The following DMRT1 variants were observed in gnomAD, a reference collection of about 807,000 sequenced individuals.
DMRT1 encodes doublesex- and mab-3-related transcription factor 1.
A neutral mutation model predicts 32.3 loss-of-function variants in DMRT1; 7 were observed. The observed-to-expected ratio is 0.22, with a 90% CI of 0.12 to 0.41. The LOEUF (loss-of-function observed/expected upper bound fraction) is 0.41, where lower values mean the gene tolerates loss of function less well. DMRT1 is among the 10% of genes least tolerant of loss of function. The pLI is 1.00. For missense variants in DMRT1, 625 were observed against 500.5 expected (o/e 1.25, Z -2.37); for synonymous variants, 278 against 206.1 (o/e 1.35, Z -2.99).
At chr9:909,811 T>C (rs1364489159) in intron 3 of DMRT1, among the ~76,000 whole-genome samples, 1 of 152,116 alleles carries the variant, frequency 6.6e-6, no homozygotes, top group Non-Finnish European at 1.5e-5. Flanking sequence ...CTGCTGGGCT[T>C]AAGCGATCCT....
At chr9:922,797 T>TA (rs1169390050) in intron 4 of DMRT1, among the ~76,000 whole-genome samples, 1 of 152,172 alleles carries the variant, frequency 6.6e-6, no homozygotes, top group East Asian at 1.9e-4. Context: ...AGGTGGTGCT[T>TA]ACAGATCATG....
intron 2 of DMRT1, 62 bp from the exon 3 acceptor site, chr9:893,850 A>G (rs1353405208): frequency 6.6e-7 from 1 of 1,522,824 alleles, no homozygotes; most frequent in Non-Finnish European, 9.0e-7. Flanking sequence ...AAGGTTTAGA[A>G]GTAAAGTTTC....
At position 846,604 on chromosome 9, in the gene DMRT1, AG is replaced by A. The variant is rs1564192711; in HGVS notation, c.355-353del. Among the ~76,000 whole-genome samples the A allele has an allele frequency of 5.3e-5, 8 of 152,242 alleles. No individual in the cohort carries two copies. In the South Asian group the frequency reaches 1.7e-3, roughly 32 times the overall value. ...CTTTTTTATTTGTTTGTTAAGAGAC[AG>A]GGTCTTGCTCTGTCTCCCAGGCTGG... On this transcript the variant is annotated intron_variant, in intron 1 of 4. Coordinates refer to ENST00000382276, the MANE Select transcript of DMRT1 (RefSeq NM_021951.3).
intron 3 of DMRT1, among the ~76,000 whole-genome samples, chr9:914,837 C>G (rs573189979): frequency 2.0e-5 from 3 of 152,214 alleles, no homozygotes; most frequent in Admixed American, 2.0e-4. Context: ...TTGAGCTGCT[C>G]AAAGCATCAG....
intron 4 of DMRT1, among the ~76,000 whole-genome samples, chr9:935,573 A>G (rs138588135): frequency 7.2e-4 from 109 of 152,312 alleles, no homozygotes; most frequent in African/African-American, 2.5e-3. Context: ...TCCGCATACC[A>G]GTCTCGCAGT....
chr9:953,470 A>G (rs1819496284), intron 4 of DMRT1, among the ~76,000 whole-genome samples: 1 of 152,162 alleles, frequency 6.6e-6, no homozygotes, highest in Non-Finnish European at 1.5e-5. Flanking sequence ...AATGACGAAA[A>G]TCTTCTCTTG....
At chr9:951,081 G>C (rs7022800) in intron 4 of DMRT1, among the ~76,000 whole-genome samples, 1 of 151,952 alleles carries the variant, frequency 6.6e-6, no homozygotes, top group South Asian at 2.1e-4. Flanking sequence ...AGTAATATTT[G>C]CTAATGGAAA....
At chr9:966,046 G>C (rs2130018121) in intron 4 of DMRT1, among the ~76,000 whole-genome samples, 1 of 152,296 alleles carries the variant, frequency 6.6e-6, no homozygotes, top group South Asian at 2.1e-4. Flanking sequence ...CGGACTCCAG[G>C]AAGCTCTTAG....
chr9:936,646 G>A (rs992844326), intron 4 of DMRT1, among the ~76,000 whole-genome samples: 10 of 151,834 alleles, frequency 6.6e-5, no homozygotes, highest in African/African-American at 2.4e-5. Flanking sequence ...CCAGCTACTC[G>A]GGAGGCTGAG....
At chr9:856,573 A>G (rs1815410915) in intron 2 of DMRT1, among the ~76,000 whole-genome samples, 2 of 152,112 alleles carry the variant, frequency 1.3e-5, no homozygotes, top group Admixed American at 1.3e-4. Context: ...TTTAATTATT[A>G]TTGTTCCTTT....
intron 4 of DMRT1, among the ~76,000 whole-genome samples, chr9:940,477 A>G (rs79483200): frequency 6.7e-6 from 1 of 150,318 alleles, no homozygotes; most frequent in East Asian, 1.9e-4. Flanking sequence ...CAAATGAGCT[A>G]GGAAAACTGG....
At chr9:943,324 T>C (rs763932641) in intron 4 of DMRT1, among the ~76,000 whole-genome samples, 18 of 152,218 alleles carry the variant, frequency 1.2e-4, no homozygotes, top group Non-Finnish European at 2.2e-4. Context: ...GTTGCACCTG[T>C]GTACTTGAAA....
chr9:907,751 A>T (rs1472831286), intron 3 of DMRT1, among the ~76,000 whole-genome samples: 1 of 152,104 alleles, frequency 6.6e-6, no homozygotes, highest in Non-Finnish European at 1.5e-5. Flanking sequence ...ATGAATTCTT[A>T]TATACAGTTC....
chr9:858,433 T>C (rs989256535), intron 2 of DMRT1, among the ~76,000 whole-genome samples: 13 of 152,196 alleles, frequency 8.5e-5, no homozygotes, highest in South Asian at 4.1e-4. Flanking sequence ...AGTTACTTGG[T>C]GGTTTGAGGA....
intron 1 of DMRT1, among the ~76,000 whole-genome samples, chr9:845,524 C>T (rs1002999984): frequency 7.9e-5 from 12 of 152,040 alleles, no homozygotes; most frequent in African/African-American, 2.4e-4. Context: ...CAATCTTTAA[C>T]GGTGTTATTG....
chr9:843,172 T>C (rs112935413), intron 1 of DMRT1, among the ~76,000 whole-genome samples: 44 of 152,332 alleles, frequency 2.9e-4, no homozygotes, highest in African/African-American at 7.7e-4. Flanking sequence ...GAAAGGATCT[T>C]GGAGGGCGGC....
chr9:942,748 A>G (rs2129917145), intron 4 of DMRT1, among the ~76,000 whole-genome samples: 1 of 152,262 alleles, frequency 6.6e-6, no homozygotes, highest in East Asian at 1.9e-4. Context: ...GTGATTTCGT[A>G]GCAACATCAT....
intron 4 of DMRT1, among the ~76,000 whole-genome samples, chr9:927,084 G>A (rs1392040196): frequency 1.3e-5 from 2 of 152,194 alleles, no homozygotes; most frequent in Non-Finnish European, 2.9e-5. Context: ...AATCCACAGG[G>A]CCCTAGCGAT....
chr9:920,419 G>T (rs1818316469), intron 4 of DMRT1, among the ~76,000 whole-genome samples: 1 of 152,178 alleles, frequency 6.6e-6, no homozygotes, highest in South Asian at 2.1e-4. Flanking sequence ...GAGAGCCAAA[G>T]AGTGCTGATA....
Sources: allele counts gnomAD v4.1 joint callset (sites outside exome capture counted in the v4.1 genomes callset), GRCh38; gene constraint gnomAD v4.1.1; transcripts MANE v1.5; gene names NCBI Gene and HGNC (gene_info 2026-07-23, HGNC 2026-07-21).